Variants in RP1 observed in about 807,000 individuals in gnomAD.
RP1 encodes RP1 axonemal microtubule associated.
Under a neutral mutation model 14.8 loss-of-function variants are expected in RP1, and 16 were observed. That is an observed-to-expected ratio of 1.08 (90% confidence interval 0.73 to 1.65). RP1 has a LOEUF of 1.65. Among genes scored for constraint, RP1 ranks in the 40% most tolerant of loss-of-function variants. The pLI is 0.00. For missense variants in RP1, 2,631 were observed against 2,535.0 expected (o/e 1.04, Z -0.81); for synonymous variants, 876 against 883.6 (o/e 0.99, Z 0.15).
intron 4 of RP1, among the ~76,000 whole-genome samples, chr8:54,651,123 C>G (rs892443692): frequency 6.6e-6 from 1 of 151,974 alleles, no homozygotes; most frequent in East Asian, 1.9e-4. Flanking sequence ...TATGTAGAAC[C>G]AATTTCCATT....
At chr8:54,866,714 A>G (rs1349840375) in intron 28 of RP1, among the ~76,000 whole-genome samples, 2 of 152,176 alleles carry the variant, frequency 1.3e-5, no homozygotes, top group Non-Finnish European at 2.9e-5. Context: ...AGATCCATCA[A>G]TAAGGCAATC....
At chr8:54,636,114 C>T (rs1806340659) in intron 3 of RP1, among the ~76,000 whole-genome samples, 1 of 152,196 alleles carries the variant, frequency 6.6e-6, no homozygotes, top group African/African-American at 2.4e-5. Context: ...CATTGTGTCT[C>T]ATTTGGCATA....
At chr8:54,745,596 C>A (rs1039742478) in intron 19 of RP1, among the ~76,000 whole-genome samples, 4 of 151,630 alleles carry the variant, frequency 2.6e-5, no homozygotes, top group African/African-American at 9.7e-5. Flanking sequence ...GAAGGCATTC[C>A]TAAAATTGTT....
At chr8:54,601,806 T>C (rs1805300228) in intron 1 of RP1, among the ~76,000 whole-genome samples, 1 of 152,174 alleles carries the variant, frequency 6.6e-6, no homozygotes, top group Admixed American at 6.5e-5. Context: ...AAAAGCACTA[T>C]GCTAAGTGAA....
intron 26 of RP1, among the ~76,000 whole-genome samples, chr8:54,856,596 T>C (rs1812204762): frequency 6.6e-6 from 1 of 152,186 alleles, no homozygotes; most frequent in African/African-American, 2.4e-5. Flanking sequence ...GACAAGTAGC[T>C]TAACTCTAGG....
chr8:54,596,349 C>T (rs1025150721), intron 1 of RP1, among the ~76,000 whole-genome samples: 1 of 152,154 alleles, frequency 6.6e-6, no homozygotes, highest in Non-Finnish European at 1.5e-5. Flanking sequence ...TCTACAATTT[C>T]TGGAGTTTGT....
intron 16 of RP1, among the ~76,000 whole-genome samples, chr8:54,722,560 A>G (rs1011414890): frequency 1.1e-4 from 16 of 152,146 alleles, no homozygotes; most frequent in African/African-American, 3.4e-4. Context: ...AACTATCTAC[A>G]TATGATAGAT....
chr8:54,724,947 C>T (rs926227141), intron 16 of RP1, among the ~76,000 whole-genome samples: 4 of 152,154 alleles, frequency 2.6e-5, no homozygotes, highest in African/African-American at 9.7e-5. Context: ...CCTTTTTGGG[C>T]TTGTTTCTAA....
chr8:54,604,876 G>T (rs968274340), intron 1 of RP1, among the ~76,000 whole-genome samples: 1 of 152,122 alleles, frequency 6.6e-6, no homozygotes, highest in Non-Finnish European at 1.5e-5. Flanking sequence ...TGTGGGATCG[G>T]CGGTGATATC....
At chr8:54,601,518 C>G (rs1312350277) in intron 1 of RP1, among the ~76,000 whole-genome samples, 1 of 143,020 alleles carries the variant, frequency 7.0e-6, no homozygotes, top group Non-Finnish European at 1.5e-5. Flanking sequence ...CACATGTATA[C>G]ATATGTAACT....
intron 23 of RP1, among the ~76,000 whole-genome samples, chr8:54,778,365 C>T (rs1207240354): frequency 1.3e-5 from 2 of 149,210 alleles, no homozygotes; most frequent in African/African-American, 2.5e-5. Context: ...CACTCTGTTG[C>T]CCAGGCTGGA....
intron 12 of RP1, chr8:54,699,395 T>G: frequency 1.8e-6 from 1 of 545,248 alleles, no homozygotes; most frequent in Non-Finnish European, 2.9e-6. Flanking sequence ...ATTAAGAGAT[T>G]TCAGTATATA....
intron 24 of RP1, among the ~76,000 whole-genome samples, chr8:54,789,390 C>G (rs1810407262): frequency 6.6e-6 from 1 of 152,174 alleles, no homozygotes; most frequent in Non-Finnish European, 1.5e-5. Flanking sequence ...ATGACCCTGC[C>G]TGACTCTGGA....
chr8:54,683,692 T>A, intron 12 of RP1, among the ~76,000 whole-genome samples: 1 of 152,342 alleles, frequency 6.6e-6, no homozygotes, highest in South Asian at 2.1e-4. Flanking sequence ...TTTAAGAAGC[T>A]TTTGGGTTGA....
intron 1 of RP1, among the ~76,000 whole-genome samples, chr8:54,576,340 C>G (rs1039970169): frequency 2.6e-5 from 4 of 152,194 alleles, no homozygotes; most frequent in Admixed American, 2.6e-4. Context: ...CCACCGCGCC[C>G]GGCCAGAACA....
rs1045398960 is a variant in RP1, at chr8:54,862,836, G to A, written c.4070-2999G>A. 8.5e-5 allele frequency among the ~76,000 whole-genome samples: 13 copies of A among 152,242 alleles called. No homozygotes were observed. In the South Asian group the frequency reaches 2.7e-3, roughly 32 times the overall value. ...TCTGTGGCTGCAGAGACATCTGGGA[G>A]ATGTGGGCCTCTCGCATTGCAGAAA... On this transcript the variant is annotated intron_variant, in intron 27 of 28. Transcript: ENST00000637698.
chr8:54,741,822 T>A (rs980110190), intron 19 of RP1, among the ~76,000 whole-genome samples: 3 of 148,420 alleles, frequency 2.0e-5, no homozygotes, highest in Non-Finnish European at 4.5e-5. Flanking sequence ...CTGGTTTTTT[T>A]ATTTTTTCAT....
rs541638339 is a variant in RP1, at chr8:54,681,903, A to G, written c.1717+1970A>G. On this transcript the variant is annotated intron_variant, in intron 12 of 22. Coordinates refer to the RP1 transcript ENST00000636932. ...TCTTTTTATGGCTGCATAGTATTCCATGGTGGTTAGGTACCACATTTTCTT... is the reference window on the plus strand; with the variant it reads ...TCTTTTTATGGCTGCATAGTATTCCGTGGTGGTTAGGTACCACATTTTCTT... 1.2e-3 allele frequency among the ~76,000 whole-genome samples: 190 copies of G among 152,304 alleles called. 2 individuals carry two copies. The highest frequency in any genetic ancestry group is 2.2e-3 in the Non-Finnish European group (153 of 68,022).
chr8:54,803,390 A>T (rs1810762049), intron 24 of RP1, among the ~76,000 whole-genome samples: 1 of 152,154 alleles, frequency 6.6e-6, no homozygotes. Context: ...AACACCGGGG[A>T]TTATGACCTA....
Sources: gnomAD v4.1 joint callset for allele counts (sites outside exome capture counted in the v4.1 genomes callset) on GRCh38, gnomAD v4.1.1 for gene constraint, MANE v1.5 for transcripts, NCBI Gene and HGNC (gene_info 2026-07-23, HGNC 2026-07-21) for gene names.